Variants in TMEM236 observed in about 807,000 individuals in gnomAD.
TMEM236 encodes transmembrane protein 236, also known as family with sequence similarity 23, member A.
Under a neutral mutation model 14.7 loss-of-function variants are expected in TMEM236, and 11 were observed. That is an observed-to-expected ratio of 0.75 (90% confidence interval 0.47 to 1.24). The LOEUF (loss-of-function observed/expected upper bound fraction) is 1.24, where lower values mean the gene tolerates loss of function less well. TMEM236 is among the 50% of genes most tolerant of loss of function. TMEM236 has a pLI of 0.00. For missense variants in TMEM236, 464 were observed against 427.3 expected (o/e 1.09, Z -0.76); for synonymous variants, 182 against 168.6 (o/e 1.08, Z -0.62).
Position 17,752,529 on chromosome 10 carries a change from T to TC in TMEM236, c.234_235insC (p.Ile79HisfsTer6), listed in dbSNP as rs1837224463. 6.2e-7 allele frequency: 1 copy of TC among 1,613,948 alleles called. No homozygotes were observed. The highest frequency in any genetic ancestry group is 1.3e-5 in the African/African-American group (1 of 75,050). On this transcript the variant is annotated frameshift_variant, in exon 1 of 4. Transcript: ENST00000377495. LOFTEE classifies it high-confidence loss of function. ...AAGTTATCCTGCACAAGAAACGTTATATTTACAGAAAAATTAAAGGATGGT... is the reference window on the plus strand; with the variant it reads ...AAGTTATCCTGCACAAGAAACGTTATCATTTACAGAAAAATTAAAGGATGGT...
intron 1 of TMEM236, among the ~76,000 whole-genome samples, chr10:17,756,717 C>G (rs1348262554): frequency 6.6e-6 from 1 of 152,204 alleles, no homozygotes; most frequent in Non-Finnish European, 1.5e-5. Context: ...GACTTTGGAC[C>G]TAGGTCTACC....
At chr10:17,757,696 T>C (rs1250649445) in intron 1 of TMEM236, among the ~76,000 whole-genome samples, 1 of 152,140 alleles carries the variant, frequency 6.6e-6, no homozygotes, top group East Asian at 1.9e-4. Flanking sequence ...ACAATTTTCT[T>C]TTCCTTTATT....
chr10:17,756,868 A>G (rs1233448023), intron 1 of TMEM236, among the ~76,000 whole-genome samples: 1 of 152,190 alleles, frequency 6.6e-6, no homozygotes, highest in East Asian at 1.9e-4. Context: ...TATACCAGTC[A>G]TCTCTGGTGT....
chr10:17,786,717 G>A (rs989237482), intron 3 of TMEM236, among the ~76,000 whole-genome samples: 158 of 152,186 alleles, frequency 1.0e-3, no homozygotes, highest in Admixed American at 3.3e-4. Context: ...TCACAAACAT[G>A]ATCTTCTTGA....
intron 3 of TMEM236, among the ~76,000 whole-genome samples, chr10:17,778,082 T>G (rs1837688369): frequency 6.6e-6 from 1 of 152,150 alleles, no homozygotes; most frequent in Non-Finnish European, 1.5e-5. Context: ...ATCCATAACT[T>G]CAATAATGAC....
intron 3 of TMEM236, among the ~76,000 whole-genome samples, chr10:17,792,943 C>T (rs541523962): frequency 5.8e-4 from 88 of 152,348 alleles, no homozygotes; most frequent in Non-Finnish European, 9.4e-4. Context: ...TGACCCTGTA[C>T]TTTGCTCCGA....
intron 1 of TMEM236, among the ~76,000 whole-genome samples, chr10:17,766,980 C>A (rs1195039700): frequency 2.0e-5 from 3 of 152,088 alleles, no homozygotes; most frequent in African/African-American, 7.2e-5. Flanking sequence ...ACTCTGTCAC[C>A]AAATTTCCCC....
chr10:17,784,961 T>C (rs1370165471), intron 3 of TMEM236, among the ~76,000 whole-genome samples: 6 of 152,032 alleles, frequency 3.9e-5, no homozygotes, highest in Non-Finnish European at 8.8e-5. Flanking sequence ...CCAGATAATG[T>C]GATTTTTTTC....
At position 17,776,024 on chromosome 10, in the gene TMEM236, A is replaced by G; in HGVS notation, c.331-5A>G. ...TAATGCTTGTAAATGGTTTTCTCTA[A>G]ACAGGTTCAAAAGAGCATTAATGGG... On this transcript the variant is annotated splice_region_variant and splice_polypyrimidine_tract_variant and intron_variant, in intron 2 of 3. Transcript: ENST00000377495. The G allele has an allele frequency of 6.2e-7, 1 of 1,613,836 alleles. No homozygotes were observed.
chr10:17,763,010 G>C (rs1410698051), intron 1 of TMEM236, among the ~76,000 whole-genome samples: 11 of 152,118 alleles, frequency 7.2e-5, no homozygotes, highest in Non-Finnish European at 1.3e-4. Context: ...GCAGGTACAA[G>C]CCTTTGTGCT....
chr10:17,794,641 T>A (rs1227136663), intron 3 of TMEM236, among the ~76,000 whole-genome samples: 1 of 152,120 alleles, frequency 6.6e-6, no homozygotes, highest in Non-Finnish European at 1.5e-5. Flanking sequence ...ATGCTTTAGG[T>A]TAACCAATCC....
intron 1 of TMEM236, among the ~76,000 whole-genome samples, chr10:17,771,074 G>A (rs1837564021): frequency 6.6e-6 from 1 of 152,158 alleles, no homozygotes; most frequent in Admixed American, 6.5e-5. Flanking sequence ...TTAATAGTTT[G>A]TGGTTTGCTA....
rs1316762859 is a variant in TMEM236, at chr10:17,796,072, G to T, written c.624G>T (p.Gln208His). The part of the protein sequence containing the change: ...SQPSGAMTRS[Q>H]ESVFMGPQEP... ...CATCAGGAGCCATGACACGGAGCCA[G>T]GAGTCTGTGTTCATGGGACCCCAGG... Residue 208 changes from glutamine (Q) to histidine (H), a missense_variant, in exon 4 of 4, where the codon CAG (glutamine) becomes CAT (histidine). Gln to His is a conservative substitution (Grantham distance 24). Coordinates refer to ENST00000377495, the MANE Select transcript of TMEM236 (RefSeq NM_001098844.3). 2 of 1,613,774 alleles carry T rather than the reference G, an allele frequency of 1.2e-6. No individual in the cohort carries two copies. Among genetic ancestry groups the T allele is most frequent in the Non-Finnish European group, 1.7e-6 (2 of 1,179,870 alleles).
intron 3 of TMEM236, 49 bp from the exon 4 acceptor site, chr10:17,795,872 A>G: frequency 6.4e-7 from 1 of 1,568,584 alleles, no homozygotes; most frequent in Non-Finnish European, 8.8e-7. Context: ...TTTGAGCTAA[A>G]ATGGATACAT....
chr10:17,757,225 C>T (rs893654778), intron 1 of TMEM236, among the ~76,000 whole-genome samples: 4 of 152,224 alleles, frequency 2.6e-5, no homozygotes, highest in Admixed American at 2.0e-4. Context: ...AACAACTCAG[C>T]GAAGTGTACA....
rs1455190103 is a variant in TMEM236, at chr10:17,797,309, T to TA, written c.*805_*806insA. The TA allele has an allele frequency of 1.3e-5, 2 of 151,372 alleles. No homozygotes were observed. The highest frequency in any genetic ancestry group is 2.9e-5 in the Non-Finnish European group (2 of 67,966). 9.4% of individuals were successfully genotyped at this position (151,372 alleles called of 1,614,324 possible). A position where few individuals can be genotyped will look rare whatever the true frequency, so the allele number is the denominator to read the frequency against. ...TTAGGTTATACTTTTTTTTTTTTTT[T>TA]TGAGACGATGTCTCGCTCTTGTCCC... is the stretch of plus-strand genomic sequence containing the variant. On this transcript the variant is annotated 3_prime_UTR_variant, in exon 4 of 4. Transcript: ENST00000377495.
At chr10:17,788,729 A>G (rs947421654) in intron 3 of TMEM236, among the ~76,000 whole-genome samples, 1 of 152,254 alleles carries the variant, frequency 6.6e-6, no homozygotes, top group Non-Finnish European at 1.5e-5. Flanking sequence ...TCAGATTTAC[A>G]CAATGAGTGG....
rs1554836359 is a variant in TMEM236 at position 17,796,035 on chromosome 10, A to G, written c.587A>G (p.Gln196Arg). ...AASPQATNSTQVSQPSGAMTR... is the reference protein window; with the variant it reads ...AASPQATNSTRVSQPSGAMTR... ...TCTCCCCAGGCAACCAACAGCACCC[A>G]GGTGTCGCAGCCATCAGGAGCCATG... Residue 196 changes from glutamine to arginine, a missense_variant, in exon 4 of 4, where the codon CAG becomes CGG. Coordinates refer to ENST00000377495, the MANE Select transcript of TMEM236 (RefSeq NM_001098844.3). 2 of 1,613,958 alleles carry G rather than the reference A, an allele frequency of 1.2e-6. No homozygotes were observed. Among genetic ancestry groups the G allele is most frequent in the South Asian group, 2.2e-5 (2 of 91,076 alleles).
In TMEM236 at chr10:17,796,148, C is replaced by G. The variant is rs1036833113; in HGVS notation, c.700C>G (p.Arg234Gly). 2.4e-3 allele frequency: 3,909 copies of G among 1,613,868 alleles called. 6 individuals are homozygous for G. The highest frequency in any genetic ancestry group is 3.0e-3 in the Non-Finnish European group (3,522 of 1,179,848). Residue 234 changes from arginine (R) to glycine (G), a missense_variant, in exon 4 of 4, where the codon CGG becomes GGG. Coordinates refer to ENST00000377495, the MANE Select transcript of TMEM236 (RefSeq NM_001098844.3). The part of the protein sequence containing the change: ...ILRMMSRRDV[R>G]AELFLWSFLL... ...GAGAATGATGTCCCGGCGAGATGTC[C>G]GGGCAGAGTTATTCTTATGGAGCTT...
Sources: allele counts gnomAD v4.1 joint callset (sites outside exome capture counted in the v4.1 genomes callset), GRCh38; gene constraint gnomAD v4.1.1; transcripts MANE v1.5; gene names NCBI Gene and HGNC (gene_info 2026-07-23, HGNC 2026-07-21).